NRXN3: variants seen among roughly 807,000 people sequenced by gnomAD.
NRXN3 encodes neurexin III.
Under a neutral mutation model 137.6 loss-of-function variants are expected in NRXN3, and 32 were observed. That is an observed-to-expected ratio of 0.23 (90% CI 0.18 to 0.31). The LOEUF (loss-of-function observed/expected upper bound fraction) is 0.31. Ranked by LOEUF, NRXN3 falls within the 10% of genes least tolerant of loss-of-function variation. The pLI is 1.00. For missense variants in NRXN3, 1,574 were observed against 2,062.5 expected, an observed-to-expected ratio of 0.76 and a Z score of 4.59; for synonymous variants, 798 against 784.5, an observed-to-expected ratio of 1.02 and a Z score of -0.29.
intron 15 of NRXN3, among the ~76,000 whole-genome samples, chr14:79,131,661 G>T (rs2057499793): frequency 1.3e-5 from 2 of 152,238 alleles, no homozygotes; most frequent in Non-Finnish European, 2.9e-5. Flanking sequence ...CAGAGGTGGA[G>T]CCTACAGAGG....
chr14:79,016,859 G>A (rs1441731192), intron 15 of NRXN3, among the ~76,000 whole-genome samples: 1 of 152,168 alleles, frequency 6.6e-6, no homozygotes, highest in Non-Finnish European at 1.5e-5. Context: ...ACAACAGTAA[G>A]CCTGACTGCA....
intron 15 of NRXN3, among the ~76,000 whole-genome samples, chr14:79,358,853 T>C (rs951972035): frequency 6.6e-6 from 1 of 152,136 alleles, no homozygotes; most frequent in African/African-American, 2.4e-5. Flanking sequence ...CTTATCCTCA[T>C]ACCCTTAAAG....
intron 16 of NRXN3, among the ~76,000 whole-genome samples, chr14:79,519,399 G>C (rs1389446873): frequency 6.6e-6 from 1 of 151,656 alleles, no homozygotes; most frequent in African/African-American, 2.4e-5. Flanking sequence ...GCATTTCCTA[G>C]AATATTAAAT....
chr14:79,162,837 C>T (rs1467113377), intron 15 of NRXN3, among the ~76,000 whole-genome samples: 2 of 151,800 alleles, frequency 1.3e-5, no homozygotes, highest in African/African-American at 4.8e-5. Flanking sequence ...CCTCTACTCC[C>T]CATTTCCTCC....
At chr14:78,918,680 G>A (rs1162882170) in intron 10 of NRXN3, among the ~76,000 whole-genome samples, 3 of 151,986 alleles carry the variant, frequency 2.0e-5, no homozygotes, top group South Asian at 4.2e-4. Context: ...TTCTTGACAG[G>A]CCACATATAC....
At chr14:79,375,235 GT>G (rs35994648) in intron 15 of NRXN3, among the ~76,000 whole-genome samples, 7,911 of 129,922 alleles carry the variant, frequency 0.061, 453 homozygotes, top group East Asian at 0.23. Context: ...GAGTTTTTGT[GT>G]TTTTTTTTTT....
At position 79,543,749 on chromosome 14, in the gene NRXN3, T is replaced by C. The variant is rs565641020; in HGVS notation, c.3444+76347T>C. ...TGAGTGAAGCAGGCCAGGTGGCAAA[T>C]TGTACAGTGCAGGCCCCAATCAAAG... On this transcript the variant is annotated intron_variant, in intron 16 of 20. Coordinates refer to ENST00000335750, the MANE Select transcript of NRXN3 (RefSeq NM_001330195.2). Among the ~76,000 whole-genome samples the C allele has an allele frequency of 3.9e-5, 6 of 152,194 alleles. No homozygotes were observed. In the East Asian group the frequency reaches 1.2e-3, roughly 29 times the overall value.
intron 4 of NRXN3, among the ~76,000 whole-genome samples, chr14:78,441,401 C>A (rs1369163414): frequency 1.3e-5 from 2 of 152,054 alleles, no homozygotes; most frequent in African/African-American, 4.8e-5. Context: ...AAAATCCATC[C>A]TTCACAGCTC....
At chr14:79,215,986 T>C (rs1448018993) in intron 15 of NRXN3, among the ~76,000 whole-genome samples, 1 of 152,192 alleles carries the variant, frequency 6.6e-6, no homozygotes, top group Non-Finnish European at 1.5e-5. Flanking sequence ...ATAAATATTT[T>C]ATGATGTCAT....
In NRXN3 at chr14:78,243,707, G is replaced by A. The variant is rs780219523; in HGVS notation, c.614G>A (p.Arg205His). 34 of 1,598,260 alleles carry A rather than the reference G, an allele frequency of 2.1e-5. No individual in the cohort carries two copies. The highest frequency in any genetic ancestry group is 2.5e-5 in the Non-Finnish European group (30 of 1,179,786). Residue 205 changes from arginine to histidine, a missense_variant, in exon 2 of 21, where the codon CGT (arginine) becomes CAT (histidine). By Grantham distance (29) the Arg-to-His change is conservative (BLOSUM62 0). Transcript: ENST00000335750. The surrounding 1 kb of genome is among the most constrained non-coding windows in gnomAD (Gnocchi z 4.2). The part of the protein sequence containing the change: ...QMDAEGPCGE[R>H]PCENGGICFL... ...GATGCCGAGGGACCCTGTGGTGAGC[G>A]TCCCTGTGAAAATGGTGGGATCTGC...
chr14:79,165,480 C>T (rs542023362), intron 15 of NRXN3, among the ~76,000 whole-genome samples: 4 of 152,036 alleles, frequency 2.6e-5, no homozygotes, highest in South Asian at 2.1e-4. Flanking sequence ...CACTCTCATG[C>T]GATTTTGTGT....
At chr14:78,562,775 TA>T (rs1312859392) in intron 4 of NRXN3, among the ~76,000 whole-genome samples, 2 of 152,334 alleles carry the variant, frequency 1.3e-5, no homozygotes, top group South Asian at 4.1e-4. Flanking sequence ...TATTTTGGAA[TA>T]GTTTTCTTAA....
At chr14:79,594,213 A>G (rs372565227) in intron 16 of NRXN3, among the ~76,000 whole-genome samples, 188 of 152,340 alleles carry the variant, frequency 1.2e-3, no homozygotes, top group African/African-American at 4.3e-3. Context: ...TATCTAAAGT[A>G]GCTATTATAG....
intron 1 of NRXN3, among the ~76,000 whole-genome samples, chr14:78,191,546 A>G (rs1185616679): frequency 6.6e-6 from 1 of 152,158 alleles, no homozygotes; most frequent in South Asian, 2.1e-4. Flanking sequence ...CTCCGCTGCA[A>G]TAGTCCCTTT....
intron 4 of NRXN3, among the ~76,000 whole-genome samples, chr14:78,332,579 G>A (rs1412616145): frequency 6.6e-6 from 1 of 152,136 alleles, no homozygotes; most frequent in Non-Finnish European, 1.5e-5. Context: ...CTCCCAAAGT[G>A]TTGGGATTAC....
intron 15 of NRXN3, among the ~76,000 whole-genome samples, chr14:79,114,076 C>A (rs888555525): frequency 2.0e-5 from 3 of 152,142 alleles, no homozygotes; most frequent in Admixed American, 2.0e-4. Flanking sequence ...TTTCTTCTAC[C>A]CTTTTTCTCT....
At chr14:79,043,649 G>C (rs893673645) in intron 15 of NRXN3, among the ~76,000 whole-genome samples, 2 of 152,174 alleles carry the variant, frequency 1.3e-5, no homozygotes, top group African/African-American at 4.8e-5. Context: ...TGCTGTACAG[G>C]TCTTGGGTAG....
At chr14:78,785,363 T>A (rs933112209) in intron 8 of NRXN3, among the ~76,000 whole-genome samples, 4 of 152,172 alleles carry the variant, frequency 2.6e-5, no homozygotes, top group Non-Finnish European at 5.9e-5. Context: ...ATTAATGCTA[T>A]GTACCCTCTA....
At chr14:78,630,635 C>T (rs1037712412) in intron 4 of NRXN3, among the ~76,000 whole-genome samples, 6 of 142,116 alleles carry the variant, frequency 4.2e-5, no homozygotes, top group African/African-American at 1.1e-4. Context: ...GACGGAGTCT[C>T]ATTCTGTCAC....
Sources: gnomAD v4.1 joint callset for allele counts (sites outside exome capture counted in the v4.1 genomes callset) on GRCh38, gnomAD v4.1.1 for gene constraint, Gnocchi (gnomAD v3.1) non-coding constraint, MANE v1.5 for transcripts, NCBI Gene and HGNC (gene_info 2026-07-23, HGNC 2026-07-21) for gene names.